Variants in NHSL1 observed in about 807,000 individuals in gnomAD.
NHSL1 encodes NHS-like protein 1.
A neutral mutation model predicts 95.0 loss-of-function variants in NHSL1; 48 were observed. That is an observed-to-expected ratio of 0.51 (90% confidence interval 0.40 to 0.64). The LOEUF is 0.64. NHSL1 is among the 30% of genes least tolerant of loss of function. NHSL1 has a pLI of 0.00. For missense variants in NHSL1, 1,971 were observed against 2,077.7 expected (o/e 0.95, Z 1.00); for synonymous variants, 783 against 833.9 (o/e 0.94, Z 1.05).
chr6:138,542,565 C>T (rs935734369), intron 1 of NHSL1, among the ~76,000 whole-genome samples: 2 of 152,116 alleles, frequency 1.3e-5, no homozygotes, highest in African/African-American at 2.4e-5. Context: ...TACAAAACAT[C>T]AGTCTGTAAT....
chr6:138,436,328 A>G (rs966645221), intron 5 of NHSL1, among the ~76,000 whole-genome samples: 5 of 152,374 alleles, frequency 3.3e-5, no homozygotes, highest in African/African-American at 1.2e-4. Flanking sequence ...AAATAAAAAA[A>G]CAGCTTTATT....
intron 1 of NHSL1, among the ~76,000 whole-genome samples, chr6:138,602,932 T>C (rs9495149): frequency 0.067 from 10,199 of 152,240 alleles, 1,091 homozygotes; most frequent in African/African-American, 0.23. Context: ...GGACAGTTCA[T>C]AAATCTAAAA....
At chr6:138,530,313 T>C (rs73557318) in intron 1 of NHSL1, among the ~76,000 whole-genome samples, 1 of 152,096 alleles carries the variant, frequency 6.6e-6, no homozygotes, top group Non-Finnish European at 1.5e-5. Flanking sequence ...AGGGAACACT[T>C]TCACACTGCT....
chr6:138,664,527 A>G (rs1247750684), intron 1 of NHSL1, among the ~76,000 whole-genome samples: 1 of 152,246 alleles, frequency 6.6e-6, no homozygotes, highest in Non-Finnish European at 1.5e-5. Context: ...CAAAGGACTC[A>G]AGGAATCAAG....
chr6:138,562,245 C>T (rs1487012765), intron 1 of NHSL1, among the ~76,000 whole-genome samples: 5 of 152,166 alleles, frequency 3.3e-5, no homozygotes, highest in Non-Finnish European at 5.9e-5. Context: ...AAAGACTACC[C>T]ATAGTTCACA....
At chr6:138,650,177 C>T (rs1432867928) in intron 1 of NHSL1, 1 of 560,936 alleles carries the variant, frequency 1.8e-6, no homozygotes, top group African/African-American at 2.3e-5. Flanking sequence ...AGGCCTCACT[C>T]ATGGTGGCCA....
upstream of NHSL1, among the ~76,000 whole-genome samples, chr6:138,502,674 A>AGCGAAAAG (rs1780749789): frequency 6.6e-6 from 1 of 152,204 alleles, no homozygotes; most frequent in Admixed American, 6.5e-5. Context: ...AATGCATAAT[A>AGCGAAAAG]GCGAAAAGCA....
At chr6:138,562,079 T>C (rs1783432667) in intron 1 of NHSL1, among the ~76,000 whole-genome samples, 1 of 152,220 alleles carries the variant, frequency 6.6e-6, no homozygotes, top group Admixed American at 6.5e-5. Flanking sequence ...GCTAGACCAC[T>C]GCAACCAGCT....
At chr6:138,464,233 C>T (rs1184869832) in intron 3 of NHSL1, 2 of 826,146 alleles carry the variant, frequency 2.4e-6, no homozygotes, top group African/African-American at 1.7e-5. Context: ...CCAGCTTGGC[C>T]ATCACGGCCG....
intron 1 of NHSL1, among the ~76,000 whole-genome samples, chr6:138,554,136 C>T (rs1335725218): frequency 6.6e-6 from 1 of 152,172 alleles, no homozygotes; most frequent in Non-Finnish European, 1.5e-5. Flanking sequence ...ATTGTTTTCT[C>T]TTTGCCATTG....
chr6:138,484,105 G>A lies in NHSL1; in HGVS notation c.212-10672C>T, dbSNP rs147472795. Among the ~76,000 whole-genome samples, 471 of 152,308 alleles carry A rather than the reference G, an allele frequency of 3.1e-3. 2 individuals carry two copies. The highest frequency in any genetic ancestry group is 0.01 in the Middle Eastern group (3 of 294). On this transcript the variant is annotated intron_variant, in intron 2 of 7. Coordinates refer to ENST00000343505, the MANE Select transcript of NHSL1 (RefSeq NM_001144060.2). ...AGATGATGTCTGGTGCACCATCATGGTTATCTATCCAAGGAAATTTTGTCT... is the reference window on the plus strand; with the variant it reads ...AGATGATGTCTGGTGCACCATCATGATTATCTATCCAAGGAAATTTTGTCT...
At chr6:138,582,055 C>T (rs190849162) in intron 1 of NHSL1, among the ~76,000 whole-genome samples, 4 of 152,084 alleles carry the variant, frequency 2.6e-5, no homozygotes, top group Middle Eastern at 3.4e-3. Context: ...CACCACCACA[C>T]CTGGCTAATT....
At chr6:138,579,479 C>T (rs147474993) in intron 1 of NHSL1, among the ~76,000 whole-genome samples, 4 of 152,316 alleles carry the variant, frequency 2.6e-5, no homozygotes, top group African/African-American at 7.2e-5. Context: ...AAACCCCATT[C>T]ATATGGCCAT....
At chr6:138,575,813 A>G (rs1783960634), upstream of NHSL1, among the ~76,000 whole-genome samples, 1 of 152,012 alleles carries the variant, frequency 6.6e-6, no homozygotes, top group South Asian at 2.1e-4. Context: ...ACCACGATGA[A>G]CCCCACATTT....
intron 1 of NHSL1, among the ~76,000 whole-genome samples, chr6:138,557,147 G>A (rs1318257382): frequency 1.3e-5 from 2 of 152,168 alleles, no homozygotes; most frequent in Non-Finnish European, 2.9e-5. Flanking sequence ...ACCGGTCCAT[G>A]ATGTTAACAC....
At chr6:138,498,603 A>AT (rs1363329621) in intron 1 of NHSL1, among the ~76,000 whole-genome samples, 5 of 152,240 alleles carry the variant, frequency 3.3e-5, no homozygotes, top group Non-Finnish European at 7.3e-5. Context: ...AAAAATTATT[A>AT]TTTTCAAGAG....
At chr6:138,502,279 T>A (rs941374154), upstream of NHSL1, among the ~76,000 whole-genome samples, 1 of 152,242 alleles carries the variant, frequency 6.6e-6, no homozygotes, top group African/African-American at 2.4e-5. Context: ...TGCCAGCTCT[T>A]ACTTTACATC....
rs1471573842 is a variant in NHSL1 at position 138,545,504 on chromosome 6, A to C, written c.16+119T>G. On this transcript the variant is annotated intron_variant, in intron 1 of 4. Transcript: ENST00000342260. ...ATGACTTTTTCACTTTCATACTTAC[A>C]AAACTCCCTCAAACTTTGATTTTTA... 8 of 708,606 alleles carry C rather than the reference A, an allele frequency of 1.1e-5. No homozygotes were observed. The East Asian group carries it at 5.4e-4, about 48-fold the overall frequency. 43.9% of individuals were successfully genotyped at this position (708,606 alleles called of 1,614,324 possible). A position where few individuals can be genotyped will look rare whatever the true frequency, so the allele number is the denominator to read the frequency against.
At chr6:138,509,334 T>A (rs1781111365) in intron 1 of NHSL1, among the ~76,000 whole-genome samples, 1 of 152,214 alleles carries the variant, frequency 6.6e-6, no homozygotes, top group African/African-American at 2.4e-5. Flanking sequence ...ACTATGATGA[T>A]CCTAGAGATC....
Sources: gnomAD v4.1 joint callset for allele counts (sites outside exome capture counted in the v4.1 genomes callset) on GRCh38, gnomAD v4.1.1 for gene constraint, MANE v1.5 for transcripts, NCBI Gene and HGNC (gene_info 2026-07-23, HGNC 2026-07-21) for gene names.